EFCAB11: variants seen among roughly 807,000 people sequenced by gnomAD.
EFCAB11 encodes the protein EF-hand calcium-binding domain-containing protein 11.
A neutral mutation model predicts 23.0 loss-of-function variants in EFCAB11; 14 were observed. The ratio of observed to expected loss-of-function variants is 0.61; its 90% confidence interval spans 0.40 to 0.95. The LOEUF is 0.95. Among genes scored for constraint, EFCAB11 ranks in the 40% least tolerant of loss-of-function variants. The pLI is 0.00. For missense variants in EFCAB11, 198 were observed against 195.8 expected, an observed-to-expected ratio of 1.01 and a Z score of -0.07; for synonymous variants, 65 against 66.6, an observed-to-expected ratio of 0.98 and a Z score of 0.11.
chr14:89,863,166 A>G (rs1887982472), intron 5 of EFCAB11, among the ~76,000 whole-genome samples: 1 of 152,218 alleles, frequency 6.6e-6, no homozygotes, highest in African/African-American at 2.4e-5. Flanking sequence ...AATAATATGA[A>G]ATGGAAAATT....
intron 5 of EFCAB11, among the ~76,000 whole-genome samples, chr14:89,817,975 C>T (rs1886387764): frequency 6.6e-6 from 1 of 150,510 alleles, no homozygotes; most frequent in South Asian, 2.1e-4. Context: ...GCCTGGGTGA[C>T]AGAGTGAGAC....
intron 5 of EFCAB11, among the ~76,000 whole-genome samples, chr14:89,851,547 G>T (rs187770178): frequency 6.6e-6 from 1 of 152,304 alleles, no homozygotes; most frequent in East Asian, 1.9e-4. Context: ...GTAATCATAG[G>T]ATCTTTGTGC....
At chr14:89,853,546 T>C (rs528355722) in intron 5 of EFCAB11, among the ~76,000 whole-genome samples, 8 of 152,118 alleles carry the variant, frequency 5.3e-5, no homozygotes, top group Admixed American at 5.2e-4. Flanking sequence ...GTCACACCAC[T>C]AGGAAGTGGT....
chr14:89,944,068 A>G (rs752526101), intron 3 of EFCAB11, among the ~76,000 whole-genome samples: 2 of 152,244 alleles, frequency 1.3e-5, no homozygotes, highest in Non-Finnish European at 2.9e-5. Context: ...GTCACACTTG[A>G]TGTATCAGAA....
At chr14:89,939,846 C>T (rs1411663605) in intron 3 of EFCAB11, among the ~76,000 whole-genome samples, 1 of 152,172 alleles carries the variant, frequency 6.6e-6, no homozygotes, top group Admixed American at 6.5e-5. Flanking sequence ...TCAAGCAATT[C>T]TCCTGCCTCA....
intron 5 of EFCAB11, among the ~76,000 whole-genome samples, chr14:89,857,328 A>C (rs1453163913): frequency 6.6e-6 from 1 of 152,218 alleles, no homozygotes; most frequent in Non-Finnish European, 1.5e-5. Context: ...ATACAGACCA[A>C]AAAGTGCTAT....
At chr14:89,839,512 T>C (rs1887190820) in intron 5 of EFCAB11, among the ~76,000 whole-genome samples, 1 of 151,862 alleles carries the variant, frequency 6.6e-6, no homozygotes, top group South Asian at 2.1e-4. Context: ...TGTTAAGAAA[T>C]GGAACATGAG....
chr14:89,871,637 T>G (rs1421083227), intron 5 of EFCAB11, among the ~76,000 whole-genome samples: 1 of 152,184 alleles, frequency 6.6e-6, no homozygotes, highest in Admixed American at 6.5e-5. Flanking sequence ...AATCTGCCAG[T>G]TTTCCCATGT....
intron 5 of EFCAB11, among the ~76,000 whole-genome samples, chr14:89,831,506 A>T (rs1886883078): frequency 6.6e-6 from 1 of 152,252 alleles, no homozygotes; most frequent in Non-Finnish European, 1.5e-5. Flanking sequence ...GTCTATATAA[A>T]AAAGCAAGTT....
At chr14:89,881,330 C>G (rs1004836209) in intron 5 of EFCAB11, among the ~76,000 whole-genome samples, 3 of 150,138 alleles carry the variant, frequency 2.0e-5, no homozygotes, top group African/African-American at 4.9e-5. Flanking sequence ...TTCATCAACC[C>G]CCATATTTAG....
chr14:89,870,767 T>TAAAAAAA (rs56920547), intron 5 of EFCAB11, among the ~76,000 whole-genome samples: 5 of 102,972 alleles, frequency 4.9e-5, no homozygotes, highest in African/African-American at 1.8e-4. Context: ...TCATCTCTAC[T>TAAAAAAA]AAAAAAAAAA....
intron 5 of EFCAB11, among the ~76,000 whole-genome samples, chr14:89,844,453 T>C (rs1887368929): frequency 6.6e-6 from 1 of 152,144 alleles, no homozygotes; most frequent in African/African-American, 2.4e-5. Context: ...TGCCTTAATA[T>C]TGTGAAAACA....
intron 5 of EFCAB11, chr14:89,836,975 C>T (rs1219452017): frequency 2.2e-6 from 1 of 453,492 alleles, no homozygotes; most frequent in Non-Finnish European, 4.4e-6. Flanking sequence ...TGAGCCAAGA[C>T]TGTGCGACTG....
intron 5 of EFCAB11, among the ~76,000 whole-genome samples, chr14:89,910,696 C>CA (rs1386522715): frequency 6.6e-6 from 1 of 151,928 alleles, no homozygotes. Flanking sequence ...TGTTTACTTA[C>CA]AAAAAAATGG....
chr14:89,908,822 C>T (rs1596447182), intron 5 of EFCAB11, among the ~76,000 whole-genome samples: 2 of 152,116 alleles, frequency 1.3e-5, no homozygotes, highest in Admixed American at 6.5e-5. Flanking sequence ...ATTCCCTCAG[C>T]GGCAGGTTTG....
At chr14:89,927,354 A>G (rs1351675966) in intron 5 of EFCAB11, among the ~76,000 whole-genome samples, 1 of 152,208 alleles carries the variant, frequency 6.6e-6, no homozygotes, top group Admixed American at 6.5e-5. Flanking sequence ...CATTCAAGCC[A>G]CAGAGGACCC....
chr14:89,842,908 TATTC>T (rs1887317389), intron 5 of EFCAB11, among the ~76,000 whole-genome samples: 1 of 152,206 alleles, frequency 6.6e-6, no homozygotes, highest in African/African-American at 2.4e-5. Context: ...GGATAACTCT[TATTC>T]ATCCTTTAAG....
chr14:89,862,918 A>G (rs1887970080), intron 5 of EFCAB11, among the ~76,000 whole-genome samples: 1 of 152,234 alleles, frequency 6.6e-6, no homozygotes, highest in African/African-American at 2.4e-5. Context: ...AATTACAATT[A>G]TACATATGTA....
rs1286950 is a variant in EFCAB11 at position 89,887,068 on chromosome 14, A to C, written c.410+44473T>G. Reference sequence around the variant, plus strand: ...AATAAATTCATTAATTTATTCAACAAGTGCTCTGAACTAACCTGAACATCC... The same window carrying C: ...AATAAATTCATTAATTTATTCAACACGTGCTCTGAACTAACCTGAACATCC... On this transcript the variant is annotated intron_variant, in intron 5 of 5. Transcript: ENST00000316738. Among the ~76,000 whole-genome samples the C allele has an allele frequency of 2.6e-5, 4 of 152,308 alleles. No homozygotes were observed. In the East Asian group the frequency reaches 5.8e-4, roughly 22 times the overall value.
Sources: gnomAD v4.1 joint callset for allele counts (sites outside exome capture counted in the v4.1 genomes callset) on GRCh38, gnomAD v4.1.1 for gene constraint, MANE v1.5 for transcripts, NCBI Gene and HGNC (gene_info 2026-07-23, HGNC 2026-07-21) for gene names.